The following FGD5 variants were observed in gnomAD, a reference collection of about 807,000 sequenced individuals.
The protein encoded by FGD5 is FYVE, RhoGEF and PH domain containing 5, also known as FYVE, RhoGEF and PH domain-containing protein 5.
In FGD5, 28 loss-of-function variants were observed where a neutral mutation model predicts 133.4. The observed-to-expected ratio is 0.21, with a 90% CI of 0.16 to 0.29. The LOEUF is 0.29. FGD5 is among the 10% of genes least tolerant of loss of function. The pLI, the probability that FGD5 is intolerant of heterozygous loss-of-function variation, is 1.00. For synonymous variants in FGD5, 810 were observed against 776.5 expected (o/e 1.04, Z -0.72); for missense variants, 1,858 against 1,895.2 (o/e 0.98, Z 0.36).
Position 14,922,144 on chromosome 3 carries a change from C to G in FGD5, c.3669+127C>G, listed in dbSNP as rs543453851. 9.1e-7 allele frequency: 1 copy of G among 1,100,788 alleles called. No homozygotes were observed. The highest frequency in any genetic ancestry group is 1.3e-6 in the Non-Finnish European group (1 of 759,192). 68.2% of individuals were successfully genotyped at this position (1,100,788 alleles called of 1,614,324 possible). A position where few individuals can be genotyped will look rare whatever the true frequency, so the allele number is the denominator to read the frequency against. On this transcript the variant is annotated intron_variant, in intron 14 of 19. Coordinates refer to ENST00000285046, the MANE Select transcript of FGD5 (RefSeq NM_152536.4). The surrounding 1 kb of genome is among the most constrained non-coding windows in gnomAD (Gnocchi z 4.1). ...CCTGTCTTGGGGCACTGGCTCCCCC[C>G]ACACCCCTGCCATGCTCCCACCCTA...
At chr3:14,892,196 T>TTTTTTTTA (rs1490720773) in intron 4 of FGD5, among the ~76,000 whole-genome samples, 7 of 151,904 alleles carry the variant, frequency 4.6e-5, no homozygotes, top group African/African-American at 1.2e-4. Flanking sequence ...AAAAGACCTT[T>TTTTTTTTA]TTTTTTTATT....
chr3:14,823,914 T>C (rs1017948608), intron 1 of FGD5, among the ~76,000 whole-genome samples: 7 of 152,214 alleles, frequency 4.6e-5, no homozygotes, highest in Admixed American at 3.9e-4. Context: ...GAATAAAATA[T>C]CTAAGACAAC....
At chr3:14,855,541 A>G (rs571334492) in intron 1 of FGD5, among the ~76,000 whole-genome samples, 3 of 152,334 alleles carry the variant, frequency 2.0e-5, no homozygotes, top group South Asian at 2.1e-4. Context: ...CTTTTTGATA[A>G]TAGCCATTCT....
intron 1 of FGD5, among the ~76,000 whole-genome samples, chr3:14,830,255 A>G (rs1417997948): frequency 2.6e-5 from 4 of 152,246 alleles, no homozygotes; most frequent in Non-Finnish European, 4.4e-5. Context: ...ATCCTAATGC[A>G]TGTGGCTGTG....
intron 13 of FGD5, among the ~76,000 whole-genome samples, chr3:14,919,133 A>T (rs1255495570): frequency 6.6e-6 from 1 of 152,166 alleles, no homozygotes; most frequent in African/African-American, 2.4e-5. Context: ...GGAGCTCTTT[A>T]TGGATGATTG....
At chr3:14,875,237 T>C (rs1401919586) in intron 2 of FGD5, among the ~76,000 whole-genome samples, 2 of 152,102 alleles carry the variant, frequency 1.3e-5, no homozygotes, top group African/African-American at 4.8e-5. Flanking sequence ...CCTCAACACA[T>C]GGAAGACTCA....
intron 2 of FGD5, among the ~76,000 whole-genome samples, chr3:14,874,387 C>T (rs2037675430): frequency 1.3e-5 from 2 of 152,114 alleles, no homozygotes; most frequent in South Asian, 2.1e-4. Context: ...GGTGTGATGG[C>T]GTGCATGCCT....
chr3:14,841,330 T>C (rs59741040), intron 1 of FGD5, among the ~76,000 whole-genome samples: 12,039 of 152,226 alleles, frequency 0.079, 731 homozygotes, highest in East Asian at 0.31. Flanking sequence ...CGTCTTAAAG[T>C]GTTACATGCA....
At chr3:14,921,664 C>G (rs533205097) in intron 13 of FGD5, among the ~76,000 whole-genome samples, 1 of 152,206 alleles carries the variant, frequency 6.6e-6, no homozygotes, top group Non-Finnish European at 1.5e-5. Flanking sequence ...CTCCCTTCAT[C>G]CCCACAGCAG....
chr3:14,832,503 T>C (rs2036731311), intron 1 of FGD5, among the ~76,000 whole-genome samples: 2 of 152,222 alleles, frequency 1.3e-5, no homozygotes, highest in Admixed American at 1.3e-4. Context: ...GGCTCTCAGC[T>C]CTGCTGTGTG....
intron 4 of FGD5, among the ~76,000 whole-genome samples, chr3:14,881,981 T>A (rs2037833284): frequency 6.6e-6 from 1 of 152,078 alleles, no homozygotes; most frequent in Non-Finnish European, 1.5e-5. Context: ...TGGCATCACA[T>A]CCCCACATGA....
At chr3:14,915,698 C>CGT (rs1334327870) in intron 11 of FGD5, among the ~76,000 whole-genome samples, 1 of 152,002 alleles carries the variant, frequency 6.6e-6, no homozygotes, top group African/African-American at 2.4e-5. Context: ...ATGTTGGCAT[C>CGT]GTGTGTACAG....
At chr3:14,844,215 AAAATAT>A (rs1249519021) in intron 1 of FGD5, among the ~76,000 whole-genome samples, 6 of 27,488 alleles carry the variant, frequency 2.2e-4, no homozygotes, top group Non-Finnish European at 3.2e-4. Flanking sequence ...AAAAAAAAAA[AAAATAT>A]ATATATATAT....
chr3:14,845,987 G>A (rs997993202), intron 1 of FGD5, among the ~76,000 whole-genome samples: 2 of 152,150 alleles, frequency 1.3e-5, no homozygotes, highest in African/African-American at 4.8e-5. Flanking sequence ...CTGGGTGTGA[G>A]TACAGGGATG....
chr3:14,868,207 C>T (rs538921665), intron 2 of FGD5, among the ~76,000 whole-genome samples: 1 of 152,136 alleles, frequency 6.6e-6, no homozygotes, highest in Non-Finnish European at 1.5e-5. Flanking sequence ...TCTAATGGGG[C>T]CTTTTCAGGC....
chr3:14,925,100 CAAAAAA>C (rs10714568), intron 17 of FGD5, among the ~76,000 whole-genome samples: 6 of 71,820 alleles, frequency 8.4e-5, no homozygotes, highest in African/African-American at 1.9e-4. Flanking sequence ...GACTCTGTCT[CAAAAAA>C]AAAAAAAAAA....
chr3:14,923,168 G>A lies in FGD5; in HGVS notation c.3930G>A (p.Leu1310=), dbSNP rs2038722070. 6.2e-7 allele frequency: 1 copy of A among 1,612,970 alleles called. No homozygotes were observed. The highest frequency in any genetic ancestry group is 2.2e-5 in the East Asian group (1 of 44,854). The part of the protein sequence containing the change: ...LKKRGRAVPG[L]MRERPVSMSF... ...AGCGGGGCAGGGCTGTCCCGGGCCT[G>A]ATGAGAGGTAACCTGGGGACCACTT... Residue 1310 remains leucine, a synonymous_variant, in exon 16 of 20, where the codon CTG becomes CTA. Transcript: ENST00000285046.
At chr3:14,927,252 C>G (rs750404990) in intron 18 of FGD5, among the ~76,000 whole-genome samples, 1 of 152,208 alleles carries the variant, frequency 6.6e-6, no homozygotes. Context: ...GTGGGGTCTT[C>G]CACACTGTGG....
intron 1 of FGD5, among the ~76,000 whole-genome samples, chr3:14,848,059 C>A (rs879401227): frequency 6.6e-6 from 1 of 152,172 alleles, no homozygotes; most frequent in Non-Finnish European, 1.5e-5. Flanking sequence ...GGCCCCAACA[C>A]TGCCAGGTCC....
Sources: allele counts gnomAD v4.1 joint callset (sites outside exome capture counted in the v4.1 genomes callset), GRCh38; gene constraint gnomAD v4.1.1; non-coding constraint Gnocchi (gnomAD v3.1); transcripts MANE v1.5; gene names NCBI Gene and HGNC (gene_info 2026-07-23, HGNC 2026-07-21).